The following CGN variants were observed in gnomAD, a reference collection of about 807,000 sequenced individuals.
CGN encodes cingulin.
Under a neutral mutation model 157.1 loss-of-function variants are expected in CGN, and 121 were observed. That is an observed-to-expected ratio of 0.77 (90% confidence interval 0.66 to 0.90). The LOEUF (loss-of-function observed/expected upper bound fraction) is 0.90, where lower values mean the gene tolerates loss of function less well. CGN is among the 40% of genes least tolerant of loss of function. CGN has a pLI of 0.00. For missense variants in CGN, 1,424 were observed against 1,520.9 expected, an observed-to-expected ratio of 0.94 and a Z score of 1.06; for synonymous variants, 535 against 607.5, an observed-to-expected ratio of 0.88 and a Z score of 1.76.
rs752997841 is a variant in CGN, at chr1:151,529,918, G to C, written c.2116G>C (p.Val706Leu). The C allele has an allele frequency of 6.2e-7, 1 of 1,613,658 alleles. No homozygotes were observed. The highest frequency in any genetic ancestry group is 8.5e-7 in the Non-Finnish European group (1 of 1,179,816). The change falls in exon 12 of 21, where the codon GTG becomes CTG. Residue 706 changes from valine to leucine, a missense_variant. Physicochemically the swap from Val to Leu is conservative, Grantham distance 32 (BLOSUM62 1). This residue lies in a region of CGN where 1,187 missense variants were observed against 1,217.6 expected (regional missense o/e 0.97). Coordinates refer to ENST00000271636, the MANE Select transcript of CGN (RefSeq NM_020770.3). ...DCEEASKAKM[V>L]AEAEATVLGQ... ...CCTGAACCGTCCTTAGGCTAAGATG[G>C]TGGCCGAGGCAGAGGCAACAGTGCT...
At position 151,535,039 on chromosome 1, in the gene CGN, T is replaced by C. The variant is rs1300811890; in HGVS notation, c.2905-3T>C. 3 of 1,611,036 alleles carry C rather than the reference T, an allele frequency of 1.9e-6. No homozygotes were observed. The highest frequency in any genetic ancestry group is 2.5e-6 in the Non-Finnish European group (3 of 1,177,324). ...GACAGAATTACTTGTTCTTCTGTCC[T>C]AGGAAAAAGTCTCACGGCTGGAAAC... On this transcript the variant is annotated splice_region_variant and splice_polypyrimidine_tract_variant and intron_variant, in intron 15 of 20. Transcript: ENST00000271636.
chr1:151,520,715 G>T, intron 5 of CGN, 24 bp downstream of exon 5: 2 of 1,594,574 alleles, frequency 1.3e-6, no homozygotes, highest in South Asian at 1.1e-5. Flanking sequence ...AGAGGTGCCG[G>T]AGGCATGAAG....
intron 1 of CGN, among the ~76,000 whole-genome samples, chr1:151,514,862 G>T (rs1394991496): frequency 1.3e-5 from 2 of 152,128 alleles, no homozygotes; most frequent in Non-Finnish European, 2.9e-5. Flanking sequence ...ACCAGGTGAA[G>T]CCAAAAGTGC....
At chr1:151,525,576 C>T (rs914258981) in intron 8 of CGN, 66 bp from the exon 9 acceptor site, 42 of 1,386,702 alleles carry the variant, frequency 3.0e-5, no homozygotes, top group South Asian at 5.0e-5. Flanking sequence ...TGTACACACT[C>T]ACACTTTGAT....
At chr1:151,520,572 CCA>C (rs769928295) in intron 4 of CGN, 22 bp from the exon 5 acceptor site, 3 of 1,613,734 alleles carry the variant, frequency 1.9e-6, no homozygotes, top group Non-Finnish European at 1.7e-6. Flanking sequence ...CTCCCTTCCC[CCA>C]CACCCCCCAT....
intron 1 of CGN, among the ~76,000 whole-genome samples, chr1:151,517,107 A>G (rs868510600): frequency 1.1e-4 from 17 of 152,054 alleles, no homozygotes; most frequent in Non-Finnish European, 2.9e-5. Context: ...GCAGTGAACC[A>G]AGATCACGCC....
chr1:151,535,122 C>A lies in CGN; in HGVS notation c.2985C>A (p.Gly995=). ...VELLTDRVNR[G]RDQVDQLRTE... ...TGCTAACAGATCGGGTGAATCGTGG[C>A]CGGGACCAGGTAACCGCCCCCACCC... The change falls in exon 16 of 21, where the codon GGC becomes GGA. Residue 995 remains glycine (G), a synonymous_variant. Coordinates refer to ENST00000271636, the MANE Select transcript of CGN (RefSeq NM_020770.3). 1 of 1,613,478 alleles carries A rather than the reference C, an allele frequency of 6.2e-7. No homozygotes were observed.
At chr1:151,536,695 G>A (rs777137162) in intron 19 of CGN, 35 bp from the exon 20 acceptor site, 1 of 1,609,012 alleles carries the variant, frequency 6.2e-7, no homozygotes, top group Non-Finnish European at 8.5e-7. Flanking sequence ...GGTAGTAGAT[G>A]CTATTCAGAT....
chr1:151,518,674 G>A lies in CGN; in HGVS notation c.155G>A (p.Gly52Glu). Residue 52 changes from glycine (G) to glutamate (E), a missense_variant, in exon 2 of 21, where the codon GGG becomes GAG. By Grantham distance (98) the Gly-to-Glu change is moderately conservative (BLOSUM62 -2). Transcript: ENST00000271636. ...AAGGATGCAAGAGCCAGTACCTACGGGGTTGCTGTGCGTGTGCAGGGAATC... is the reference window on the plus strand; with the variant it reads ...AAGGATGCAAGAGCCAGTACCTACGAGGTTGCTGTGCGTGTGCAGGGAATC... ...PAKDARASTY[G>E]VAVRVQGIAG... The A allele has an allele frequency of 6.2e-7, 1 of 1,614,168 alleles. No homozygotes were observed. The highest frequency in any genetic ancestry group is 2.2e-5 in the East Asian group (1 of 44,874).
At position 151,518,440 on chromosome 1, in the gene CGN, C is replaced by T. The variant is rs562613552; in HGVS notation, c.-14-66C>T. On this transcript the variant is annotated intron_variant, in intron 1 of 20. Transcript: ENST00000271636. ...GTAGGAACTGACAGGGAAGTCAGCC[C>T]GCAGGTAGAAGTTTCATAGTTTCTA... 25 of 1,375,384 alleles carry T rather than the reference C, an allele frequency of 1.8e-5. No individual in the cohort carries two copies. The East Asian group carries it at 2.1e-4, about 11-fold the overall frequency. 85.2% of individuals were successfully genotyped at this position (1,375,384 alleles called of 1,614,324 possible).
Position 151,530,663 on chromosome 1 carries a change from CG to C in CGN, c.2491del (p.Glu831ArgfsTer24), listed in dbSNP as rs771300458. ...GGCCCTGGAGGAGGAAGGGAAGCAGCGGGAGGTGCTCCGGCGAGGCAAGGCT... is the reference window on the plus strand; with the variant it reads ...GGCCCTGGAGGAGGAAGGGAAGCAGCGGAGGTGCTCCGGCGAGGCAAGGCT... Reference protein sequence around the residue: ...NRALEEEGKQREVLRRGKAEL... With the variant: ...NRALEEEGKQXEVLRRGKAEL... On this transcript the variant is annotated frameshift_variant, in exon 13 of 21. Coordinates refer to ENST00000271636, the MANE Select transcript of CGN (RefSeq NM_020770.3). LOFTEE classifies it high-confidence loss of function. 6.3e-7 allele frequency: 1 copy of C among 1,577,160 alleles called. No individual in the cohort carries two copies. Among genetic ancestry groups the C allele is most frequent in the Non-Finnish European group, 8.6e-7 (1 of 1,160,938 alleles).
chr1:151,525,567 G>C (rs1571662448), intron 8 of CGN, 75 bp from the exon 9 acceptor site: 41 of 1,312,560 alleles, frequency 3.1e-5, no homozygotes, highest in Non-Finnish European at 4.1e-5. Context: ...GCCTTTCCTT[G>C]TACACACTCA....
chr1:151,512,691 T>G (rs905172846), intron 1 of CGN, among the ~76,000 whole-genome samples: 11 of 152,358 alleles, frequency 7.2e-5, no homozygotes, highest in African/African-American at 2.4e-4. Flanking sequence ...TGAGGAAGGT[T>G]GTTGTAATTG....
chr1:151,530,166 T>C, intron 12 of CGN, 51 bp downstream of exon 12: 7 of 1,546,842 alleles, frequency 4.5e-6, no homozygotes, highest in Non-Finnish European at 6.2e-6. Flanking sequence ...GGTGAAATAC[T>C]CCTATGCTAA....
At position 151,524,523 on chromosome 1, in the gene CGN, A is replaced by T. The variant is rs1156788230; in HGVS notation, c.1402-151A>T. 8.3e-7 allele frequency: 1 copy of T among 1,210,736 alleles called. No individual in the cohort carries two copies. The allele number at this position is 1,210,736 out of a possible 1,614,324, so 75.0% of individuals were successfully genotyped here. A position where few individuals can be genotyped will look rare whatever the true frequency, so the allele number is the denominator to read the frequency against. On this transcript the variant is annotated intron_variant, in intron 7 of 20. Coordinates refer to ENST00000271636, the MANE Select transcript of CGN (RefSeq NM_020770.3). This position sits in a 1 kb window ranked among gnomAD's most constrained non-coding sequence, Gnocchi z 4.4. Reference sequence around the variant, plus strand: ...ATGGTGTGTTGGGACTAGAGTTAGGATAAAGGAAACCTATCATTCTGGGCT... The same window carrying T: ...ATGGTGTGTTGGGACTAGAGTTAGGTTAAAGGAAACCTATCATTCTGGGCT...
rs777050359 is a variant in CGN, at chr1:151,537,855, C to T, written c.*509C>T. 4.6e-5 allele frequency: 7 copies of T among 153,144 alleles called. No homozygotes were observed. The highest frequency in any genetic ancestry group is 1.0e-4 in the Non-Finnish European group (7 of 68,462). 9.5% of individuals were successfully genotyped at this position (153,144 alleles called of 1,614,324 possible). The stretch of plus-strand genomic sequence containing the variant: ...CATTTCTTTGCACAAGTATGGGGCC[C>T]ATGTGGTAGTCCCCATACCCCTCCA... On this transcript the variant is annotated 3_prime_UTR_variant, in exon 21 of 21. Transcript: ENST00000271636.
At position 151,530,010 on chromosome 1, in the gene CGN, C is replaced by A. The variant is rs775705226; in HGVS notation, c.2208C>A (p.Arg736=). The change falls in exon 12 of 21, where the codon CGC becomes CGA. Residue 736 remains arginine, a synonymous_variant. Coordinates refer to ENST00000271636, the MANE Select transcript of CGN (RefSeq NM_020770.3). ...RETQEENDEF[R]RRILGLEQQL... is the part of the protein sequence containing the mutation. ...CCCAGGAGGAAAATGACGAATTCCGCCGGCGCATCCTGGGTTTGGAGCAGC... is the reference window on the plus strand; with the variant it reads ...CCCAGGAGGAAAATGACGAATTCCGACGGCGCATCCTGGGTTTGGAGCAGC... 4 of 1,614,002 alleles carry A rather than the reference C, an allele frequency of 2.5e-6. No individual in the cohort carries two copies. Among genetic ancestry groups the A allele is most frequent in the Non-Finnish European group, 3.4e-6 (4 of 1,180,024 alleles).
chr1:151,517,508 G>GTT (rs560006460), intron 1 of CGN, among the ~76,000 whole-genome samples: 20 of 130,716 alleles, frequency 1.5e-4, no homozygotes, highest in East Asian at 2.3e-4. Context: ...GGCACACAGT[G>GTT]TTTTTTTTTT....
chr1:151,530,682 G>T lies in CGN; in HGVS notation c.2507G>T (p.Gly836Val). 6.4e-7 allele frequency: 1 copy of T among 1,561,478 alleles called. No homozygotes were observed. The highest frequency in any genetic ancestry group is 8.7e-7 in the Non-Finnish European group (1 of 1,152,136). Reference sequence around the variant, plus strand: ...AAGCAGCGGGAGGTGCTCCGGCGAGGCAAGGCTGAGCTGGAGGAGCAGAAG... The same window carrying T: ...AAGCAGCGGGAGGTGCTCCGGCGAGTCAAGGCTGAGCTGGAGGAGCAGAAG... ...EGKQREVLRR[G>V]KAELEEQKRL... The change falls in exon 13 of 21, where the codon GGC (glycine) becomes GTC (valine). Residue 836 changes from glycine (G) to valine (V), a missense_variant. By Grantham distance (109) the Gly-to-Val change is moderately radical. Transcript: ENST00000271636.
Sources: gnomAD v4.1 joint callset for allele counts (sites outside exome capture counted in the v4.1 genomes callset) on GRCh38, gnomAD v4.1.1 for gene constraint, gnomAD v4.1.1 regional missense constraint, Gnocchi (gnomAD v3.1) non-coding constraint, MANE v1.5 for transcripts, NCBI Gene and HGNC (gene_info 2026-07-23, HGNC 2026-07-21) for gene names.